The following RORA variants were observed in gnomAD, a reference collection of about 807,000 sequenced individuals.
RORA encodes the protein RAR related orphan receptor A, also known as nuclear receptor ROR-alpha.
A neutral mutation model predicts 69.5 loss-of-function variants in RORA; 7 were observed. The observed-to-expected ratio is 0.10, with a 90% CI of 0.06 to 0.19. The LOEUF is 0.19. RORA is among the 10% of genes least tolerant of loss of function. The probability of loss-of-function intolerance (pLI) is 1.00; values close to 1 mark genes in which losing one functional copy is unlikely to be tolerated. For missense variants in RORA, 457 were observed against 663.0 expected, an observed-to-expected ratio of 0.69 and a Z score of 3.41; for synonymous variants, 261 against 240.8, an observed-to-expected ratio of 1.08 and a Z score of -0.78.
At position 60,618,948 on chromosome 15, in the gene RORA, A is replaced by G. The variant is rs962953633; in HGVS notation, c.196+59709T>C. ...GCATAAAAAGGGAGTGGTCTTCACA[A>G]ACATAAACTAGGTGTTCCCTGTTCA... On this transcript the variant is annotated intron_variant, in intron 2 of 10. Coordinates refer to ENST00000335670, the MANE Select transcript of RORA (RefSeq NM_134261.3). Among the ~76,000 whole-genome samples the G allele has an allele frequency of 6.6e-5, 10 of 152,204 alleles. No individual in the cohort carries two copies. The South Asian group carries it at 2.1e-3, about 32-fold the overall frequency.
chr15:60,749,522 G>T (rs956161913), intron 1 of RORA, among the ~76,000 whole-genome samples: 1 of 152,200 alleles, frequency 6.6e-6, no homozygotes, highest in Non-Finnish European at 1.5e-5. Context: ...ATAAGTTGAT[G>T]ATCAATTTAA....
intron 2 of RORA, among the ~76,000 whole-genome samples, chr15:60,589,344 C>T (rs150639300): frequency 5.6e-4 from 86 of 152,320 alleles, no homozygotes; most frequent in African/African-American, 1.9e-3. Context: ...GAAGAATCTA[C>T]GGGCCAGAAA....
chr15:61,160,402 G>A (rs1197194583), intron 1 of RORA, among the ~76,000 whole-genome samples: 2 of 152,162 alleles, frequency 1.3e-5, no homozygotes, highest in Admixed American at 6.5e-5. Context: ...TCACAGCATT[G>A]CTGTTTTAAT....
At chr15:61,157,566 T>C (rs945309399) in intron 1 of RORA, among the ~76,000 whole-genome samples, 2 of 152,074 alleles carry the variant, frequency 1.3e-5, no homozygotes, top group Admixed American at 1.3e-4. Flanking sequence ...ACCCCATTGT[T>C]CTCCAGGAGC....
intron 1 of RORA, among the ~76,000 whole-genome samples, chr15:60,971,233 C>G (rs182906651): frequency 6.6e-6 from 1 of 152,278 alleles, no homozygotes; most frequent in Non-Finnish European, 1.5e-5. Context: ...CTCTGGACTC[C>G]CCTAACACTG....
At chr15:61,181,396 T>C (rs1596052818) in intron 1 of RORA, 1 of 151,888 alleles carries the variant, frequency 6.6e-6, no homozygotes, top group African/African-American at 2.4e-5. Context: ...AAATTGCAAA[T>C]GGTAAGGCAA....
At position 60,567,355 on chromosome 15, in the gene RORA, T is replaced by G. The variant is rs964755410; in HGVS notation, c.197-35504A>C. Among the ~76,000 whole-genome samples, 16 of 151,868 alleles carry G rather than the reference T, an allele frequency of 1.1e-4. 1 individual carries two copies. Among genetic ancestry groups the G allele is most frequent in the Admixed American group, 1.0e-3 (16 of 15,248 alleles). ...GCCTAGGGGCACTAAATGTTTGGGTTTGCACCTTTTCTTTTAGAGAGATGC... is the reference window on the plus strand; with the variant it reads ...GCCTAGGGGCACTAAATGTTTGGGTGTGCACCTTTTCTTTTAGAGAGATGC... On this transcript the variant is annotated intron_variant, in intron 2 of 10. Transcript: ENST00000335670.
At chr15:61,102,781 C>T (rs1408506732) in intron 1 of RORA, among the ~76,000 whole-genome samples, 1 of 152,146 alleles carries the variant, frequency 6.6e-6, no homozygotes, top group African/African-American at 2.4e-5. Flanking sequence ...TCTAATCTAG[C>T]TTTTCTTGCT....
At chr15:60,618,637 T>A (rs911743056) in intron 2 of RORA, among the ~76,000 whole-genome samples, 1 of 152,202 alleles carries the variant, frequency 6.6e-6, no homozygotes, top group Non-Finnish European at 1.5e-5. Flanking sequence ...AGGTAACATG[T>A]TCTTTATACT....
chr15:61,124,589 C>T (rs2079128487), intron 1 of RORA, among the ~76,000 whole-genome samples: 9 of 152,210 alleles, frequency 5.9e-5, no homozygotes, highest in Admixed American at 5.9e-4. Context: ...TCTTTAAAAG[C>T]AATGCCTTGT....
chr15:61,062,536 G>A (rs1026617936), intron 1 of RORA, among the ~76,000 whole-genome samples: 1 of 152,210 alleles, frequency 6.6e-6, no homozygotes, highest in African/African-American at 2.4e-5. Flanking sequence ...GAGCCAAGTA[G>A]AGAAGAGCAG....
chr15:60,702,120 G>A (rs1428419963), intron 1 of RORA, among the ~76,000 whole-genome samples: 5 of 152,176 alleles, frequency 3.3e-5, no homozygotes, highest in African/African-American at 7.2e-5. Context: ...GCTTACCAGC[G>A]GTGGAACATT....
chr15:61,136,260 T>G, intron 1 of RORA, among the ~76,000 whole-genome samples: 1 of 150,484 alleles, frequency 6.6e-6, no homozygotes, highest in Admixed American at 6.6e-5. Context: ...TTATACTACC[T>G]AAATTATCCT....
Position 60,515,959 on chromosome 15 carries a change from A to G in RORA, c.283-1202T>C, listed in dbSNP as rs1262255101. On this transcript the variant is annotated intron_variant, in intron 3 of 10. Coordinates refer to ENST00000335670, the MANE Select transcript of RORA (RefSeq NM_134261.3). ...TATATTTATATATATTTATATATTTATATTTATATATATTTATATATTTAT... is the reference window on the plus strand; with the variant it reads ...TATATTTATATATATTTATATATTTGTATTTATATATATTTATATATTTAT... Among the ~76,000 whole-genome samples the G allele has an allele frequency of 3.2e-4, 10 of 31,182 alleles. 1 individual carries two copies. The highest frequency in any genetic ancestry group is 1.3e-3 in the Admixed American group (2 of 1,498). 20.5% of individuals were successfully genotyped at this position (31,182 alleles called of 152,430 possible). A position where few individuals can be genotyped will look rare whatever the true frequency, so the allele number is the denominator to read the frequency against.
intron 1 of RORA, among the ~76,000 whole-genome samples, chr15:60,972,122 T>C (rs932892888): frequency 6.6e-6 from 1 of 152,210 alleles, no homozygotes; most frequent in Non-Finnish European, 1.5e-5. Flanking sequence ...CTCAAATATT[T>C]TGTAAGCCAT....
chr15:61,084,524 G>T (rs1211193942), intron 1 of RORA, among the ~76,000 whole-genome samples: 1 of 152,156 alleles, frequency 6.6e-6, no homozygotes, highest in Admixed American at 6.6e-5. Flanking sequence ...TGTGGGACTT[G>T]CTATATCTTC....
At chr15:60,735,521 C>T (rs116634831) in intron 1 of RORA, among the ~76,000 whole-genome samples, 1,958 of 151,420 alleles carry the variant, frequency 0.013, 30 homozygotes, top group African/African-American at 0.044. Context: ...AAACCAGATG[C>T]GCTGCTGAGA....
intron 1 of RORA, among the ~76,000 whole-genome samples, chr15:60,722,282 G>C (rs1393717097): frequency 6.6e-6 from 1 of 152,196 alleles, no homozygotes; most frequent in Non-Finnish European, 1.5e-5. Flanking sequence ...TTAAAGAACT[G>C]AGCTTGTGTT....
chr15:60,930,789 C>T (rs1892351549), intron 1 of RORA, among the ~76,000 whole-genome samples: 1 of 152,160 alleles, frequency 6.6e-6, no homozygotes, highest in Admixed American at 6.5e-5. Context: ...ATCTGCTCAC[C>T]TGTAGACTTT....
Sources: gnomAD v4.1 joint callset for allele counts (sites outside exome capture counted in the v4.1 genomes callset) on GRCh38, gnomAD v4.1.1 for gene constraint, MANE v1.5 for transcripts, NCBI Gene and HGNC (gene_info 2026-07-23, HGNC 2026-07-21) for gene names.